The following DEPDC4 variants were observed in gnomAD, a reference collection of about 807,000 sequenced individuals.
The protein encoded by DEPDC4 is DEP domain containing 4.
In DEPDC4, 52 loss-of-function variants were observed where a neutral mutation model predicts 52.0. The observed-to-expected ratio is 1.00, with a 90% CI of 0.80 to 1.26. The LOEUF is 1.26. Ranked by LOEUF, DEPDC4 falls within the 50% of genes most tolerant of loss-of-function variation. The pLI is 0.00. For missense variants in DEPDC4, 530 were observed against 546.9 expected, an observed-to-expected ratio of 0.97 and a Z score of 0.31; for synonymous variants, 201 against 196.8, an observed-to-expected ratio of 1.02 and a Z score of -0.18.
chr12:100,254,298 T>C (rs1404753376), intron 4 of DEPDC4, among the ~76,000 whole-genome samples: 2 of 150,360 alleles, frequency 1.3e-5, no homozygotes, highest in Admixed American at 6.7e-5. Context: ...TTTCCCTTAA[T>C]GGTATGTCCC....
the DEPDC4 span, among the ~76,000 whole-genome samples, chr12:100,278,730 A>T: frequency 6.6e-6 from 1 of 151,444 alleles, no homozygotes; most frequent in Middle Eastern, 3.5e-3. Context: ...CCCGGGTTCA[A>T]GCAATTCTTC....
chr12:100,281,147 G>T, the DEPDC4 span, among the ~76,000 whole-genome samples: 2 of 144,902 alleles, frequency 1.4e-5, no homozygotes, highest in Admixed American at 1.4e-4. Context: ...TTCCACCTCA[G>T]CCTCCCAAGT....
intron 9 of DEPDC4, among the ~76,000 whole-genome samples, chr12:100,242,246 A>C (rs2096162335): frequency 6.6e-6 from 1 of 151,772 alleles, no homozygotes; most frequent in Non-Finnish European, 1.5e-5. Context: ...TTACAGAGGA[A>C]GCCACCATAG....
chr12:100,280,219 G>A, the DEPDC4 span, among the ~76,000 whole-genome samples: 2 of 152,132 alleles, frequency 1.3e-5, no homozygotes, highest in Non-Finnish European at 2.9e-5. Flanking sequence ...TCCCTCATGG[G>A]CAGAAGTTAT....
rs2096256496 is a variant in DEPDC4, at chr12:100,262,333, T to C, written c.631A>G (p.Ile211Val). The C allele has an allele frequency of 6.2e-7, 1 of 1,613,560 alleles. No individual in the cohort carries two copies. Among genetic ancestry groups the C allele is most frequent in the Non-Finnish European group, 8.5e-7 (1 of 1,179,772 alleles). ...GGACATAAAGCTGGATTCCCATTTA[T>C]TGTATGAATAAGTTCCTCAATTCTT... Reference protein sequence around the residue: ...EERIEELIHTINGNPALCPNI... With the variant: ...EERIEELIHTVNGNPALCPNI... Residue 211 changes from isoleucine (I) to valine (V), a missense_variant, in exon 3 of 10, where the codon ATA becomes GTA. Coordinates refer to ENST00000550587, the MANE Select transcript of DEPDC4 (RefSeq NM_001364818.2).
intron 3 of DEPDC4, among the ~76,000 whole-genome samples, chr12:100,259,007 A>G (rs2096244189): frequency 6.6e-6 from 1 of 151,696 alleles, no homozygotes; most frequent in Non-Finnish European, 1.5e-5. Flanking sequence ...GGAGGTAGAG[A>G]TTGCAGTGAG....
intron 3 of DEPDC4, among the ~76,000 whole-genome samples, chr12:100,257,993 ATAG>A (rs2153915111): frequency 6.6e-6 from 1 of 151,668 alleles, no homozygotes; most frequent in East Asian, 2.0e-4. Context: ...AGATAGATAG[ATAG>A]ATAGATAGAT....
chr12:100,278,376 T>G, the DEPDC4 span, among the ~76,000 whole-genome samples: 247 of 152,022 alleles, frequency 1.6e-3, no homozygotes, highest in African/African-American at 5.5e-3. Flanking sequence ...ATTTTTCTAT[T>G]TTTTGTAGAG....
intron 7 of DEPDC4, among the ~76,000 whole-genome samples, chr12:100,250,190 T>C (rs2096201928): frequency 6.6e-6 from 1 of 152,124 alleles, no homozygotes; most frequent in Non-Finnish European, 1.5e-5. Context: ...TTTTCTCCAT[T>C]TGTGGCCTGG....
At chr12:100,272,608 A>C in the DEPDC4 span, among the ~76,000 whole-genome samples, 1 of 152,182 alleles carries the variant, frequency 6.6e-6, no homozygotes, top group Non-Finnish European at 1.5e-5. Flanking sequence ...AGGCAGCTCA[A>C]ATTCTACATG....
intron 1 of DEPDC4, among the ~76,000 whole-genome samples, chr12:100,266,603 A>G (rs1422464643): frequency 6.6e-6 from 1 of 152,222 alleles, no homozygotes; most frequent in East Asian, 1.9e-4. Flanking sequence ...CCATCTGGAC[A>G]TGTATTAGAA....
the DEPDC4 span, among the ~76,000 whole-genome samples, chr12:100,276,018 C>T: frequency 3.3e-5 from 5 of 152,092 alleles, no homozygotes; most frequent in Non-Finnish European, 5.9e-5. Flanking sequence ...CTGAAGTGAA[C>T]CCCATTTGGT....
At chr12:100,275,417 AACTCCTGT>A in the DEPDC4 span, among the ~76,000 whole-genome samples, 1 of 152,156 alleles carries the variant, frequency 6.6e-6, no homozygotes, top group African/African-American at 2.4e-5. Flanking sequence ...GCTGATCTCA[AACTCCTGT>A]ACTCAAGCAA....
At position 100,241,851 on chromosome 12, in the gene DEPDC4, A is replaced by G. The variant is rs755536635; in HGVS notation, c.*47-6T>C. 149 of 586,544 alleles carry G rather than the reference A, an allele frequency of 2.5e-4. No homozygotes were observed. The highest frequency in any genetic ancestry group is 9.8e-5 in the Non-Finnish European group (46 of 469,302). 36.3% of individuals were successfully genotyped at this position (586,544 alleles called of 1,614,324 possible). On this transcript the variant is annotated splice_region_variant and splice_polypyrimidine_tract_variant and intron_variant, in intron 9 of 9. Transcript: ENST00000550587. ...GGGTTGGCAAAACGTAAAGCCTGGA[A>G]AAAAAAAAAAAAAACAAAAGAAAAA...
At chr12:100,264,156 T>C (rs2096263845) in intron 1 of DEPDC4, among the ~76,000 whole-genome samples, 1 of 152,240 alleles carries the variant, frequency 6.6e-6, no homozygotes, top group Non-Finnish European at 1.5e-5. Flanking sequence ...CCTTATTACA[T>C]GGTTAACTAC....
Position 100,266,513 on chromosome 12 carries a change from C to T in DEPDC4, c.157+407G>A, listed in dbSNP as rs557628142. On this transcript the variant is annotated intron_variant, in intron 1 of 9. Transcript: ENST00000550587. ...GTAGGCTAGATTAAAGAAATAACTC[C>T]TCTAGCTCAAGGAATTTGCCCTCTA... Among the ~76,000 whole-genome samples, 126 of 152,240 alleles carry T rather than the reference C, an allele frequency of 8.3e-4. 2 individuals carry two copies. In the South Asian group the frequency reaches 0.025, roughly 31 times the overall value.
rs754882817 is a variant in DEPDC4, at chr12:100,256,092, T to C, written c.835A>G (p.Thr279Ala). ...GGAATAAGTTCTCTGTCTAGGCAAG[T>C]GTTAGTGATAACAAGATCTTCCTCT... ...NKEEDLVITN[T>A]CLDRELIPSL... Residue 279 changes from threonine (T) to alanine (A), a missense_variant, in exon 4 of 10, where the codon ACT (threonine) becomes GCT (alanine). Transcript: ENST00000550587. 6.2e-7 allele frequency: 1 copy of C among 1,613,206 alleles called. No individual in the cohort carries two copies. Among genetic ancestry groups the C allele is most frequent in the Non-Finnish European group, 8.5e-7 (1 of 1,179,462 alleles).
At chr12:100,268,575 A>G (rs951677821), upstream of DEPDC4, among the ~76,000 whole-genome samples, 1 of 152,210 alleles carries the variant, frequency 6.6e-6, no homozygotes, top group Non-Finnish European at 1.5e-5. Context: ...AAGGGCCTTC[A>G]TTCTCTTTAG....
At chr12:100,256,674 C>T (rs1208396216) in intron 3 of DEPDC4, among the ~76,000 whole-genome samples, 1 of 148,228 alleles carries the variant, frequency 6.7e-6, no homozygotes, top group East Asian at 2.0e-4. Context: ...TGGAGTCTCG[C>T]TTTGTTGCCC....
Sources: allele counts gnomAD v4.1 joint callset (sites outside exome capture counted in the v4.1 genomes callset), GRCh38; gene constraint gnomAD v4.1.1; transcripts MANE v1.5; gene names NCBI Gene and HGNC (gene_info 2026-07-23, HGNC 2026-07-21).